Variants in DHRSX observed in about 807,000 individuals in gnomAD.
The protein encoded by DHRSX is polyprenol dehydrogenase.
DHRSX carries 31 observed loss-of-function variants against 34.0 expected under a neutral mutation model. That is an observed-to-expected ratio of 0.91 (90% CI 0.69 to 1.23). The LOEUF (loss-of-function observed/expected upper bound fraction) is 1.23, where lower values mean the gene tolerates loss of function less well. Ranked by LOEUF, DHRSX falls within the 50% of genes most tolerant of loss-of-function variation. DHRSX has a pLI of 0.00. For synonymous variants in DHRSX, 201 were observed against 183.8 expected (o/e 1.09, Z -0.76); for missense variants, 414 against 428.1 (o/e 0.97, Z 0.29).
chrX:2,243,280 A>C (rs201311793), intron 5 of DHRSX, 50 bp from the exon 6 acceptor site: 1 of 1,533,104 alleles, frequency 6.5e-7, no homozygotes, highest in East Asian at 2.3e-5. Context: ...GTTCACGCCT[A>C]AGTGCTTCAT....
At chrX:2,437,393 C>CATTGCAGTG (rs2044005311) in intron 1 of DHRSX, among the ~76,000 whole-genome samples, 1 of 152,024 alleles carries the variant, frequency 6.6e-6, no homozygotes, top group African/African-American at 2.4e-5. Flanking sequence ...ATCACTAGGT[C>CATTGCAGTG]AGAAGTTCAA....
At chrX:2,437,328 G>A (rs978025684) in intron 1 of DHRSX, among the ~76,000 whole-genome samples, 4 of 151,960 alleles carry the variant, frequency 2.6e-5, no homozygotes, top group African/African-American at 4.8e-5. Flanking sequence ...ATGCTCAGCC[G>A]AGTCTGGTGG....
At chrX:2,477,492 TGA>T (rs1449813148) in intron 1 of DHRSX, among the ~76,000 whole-genome samples, 1 of 152,186 alleles carries the variant, frequency 6.6e-6, no homozygotes, top group Non-Finnish European at 1.5e-5. Flanking sequence ...GGAAGGTGGA[TGA>T]CTCATTTGTC....
At chrX:2,348,640 T>G (rs2042748920) in intron 3 of DHRSX, among the ~76,000 whole-genome samples, 1 of 151,980 alleles carries the variant, frequency 6.6e-6, no homozygotes, top group South Asian at 2.1e-4. Flanking sequence ...TATATTATTT[T>G]CTTGTTTTGC....
chrX:2,332,078 AAC>A (rs1308309613), intron 3 of DHRSX, among the ~76,000 whole-genome samples: 1 of 152,206 alleles, frequency 6.6e-6, no homozygotes, highest in Non-Finnish European at 1.5e-5. Context: ...TACACCACAA[AAC>A]AGTCTTAGCA....
intron 1 of DHRSX, among the ~76,000 whole-genome samples, chrX:2,452,860 G>T (rs773578173): frequency 6.6e-6 from 1 of 152,354 alleles, no homozygotes; most frequent in South Asian, 2.1e-4. Context: ...TCAGAGGAAA[G>T]AATGGTGTAC....
intron 5 of DHRSX, among the ~76,000 whole-genome samples, chrX:2,253,700 A>AT (rs899842851): frequency 9.2e-5 from 14 of 152,240 alleles, no homozygotes; most frequent in Non-Finnish European, 1.9e-4. Flanking sequence ...TGAGTTCTCC[A>AT]TTTTTTGCTG....
chrX:2,225,079 GCTCA>G (rs200087365), intron 6 of DHRSX, among the ~76,000 whole-genome samples: 3,300 of 142,170 alleles, frequency 0.023, 69 homozygotes, highest in Non-Finnish European at 0.036. Flanking sequence ...GCACTCACAT[GCTCA>G]CTCATTCACA....
At chrX:2,274,748 A>C (rs1445411029) in intron 4 of DHRSX, among the ~76,000 whole-genome samples, 1 of 151,938 alleles carries the variant, frequency 6.6e-6, no homozygotes, top group Non-Finnish European at 1.5e-5. Context: ...CGTATTTTAA[A>C]CCACAGTGTC....
chrX:2,335,171 T>G, intron 3 of DHRSX, among the ~76,000 whole-genome samples: 1 of 137,548 alleles, frequency 7.3e-6, no homozygotes, highest in Non-Finnish European at 1.6e-5. Context: ...GACAACAGAG[T>G]AGGACTCCAT....
intron 3 of DHRSX, among the ~76,000 whole-genome samples, chrX:2,307,483 CG>C (rs1230990853): frequency 6.6e-6 from 1 of 150,844 alleles, no homozygotes; most frequent in African/African-American, 2.4e-5. Context: ...CAAACAAGGC[CG>C]GGGGGTGGGT....
chrX:2,449,544 G>A, intron 1 of DHRSX, among the ~76,000 whole-genome samples: 1 of 152,250 alleles, frequency 6.6e-6, no homozygotes, highest in East Asian at 1.9e-4. Flanking sequence ...GCCCAACCTG[G>A]AGTGCAGTGG....
chrX:2,316,278 C>T (rs1196349271), intron 3 of DHRSX, among the ~76,000 whole-genome samples: 2 of 149,764 alleles, frequency 1.3e-5, no homozygotes, highest in African/African-American at 4.9e-5. Context: ...GGGCCGGCTG[C>T]GGTGGCTCAC....
At chrX:2,382,603 CCA>C (rs2043217378) in intron 3 of DHRSX, among the ~76,000 whole-genome samples, 7 of 23,036 alleles carry the variant, frequency 3.0e-4, no homozygotes, top group African/African-American at 8.1e-4. Context: ...ACCATCATCA[CCA>C]TCACCATCAT....
intron 4 of DHRSX, among the ~76,000 whole-genome samples, chrX:2,273,238 C>T (rs1436190771): frequency 6.6e-6 from 1 of 152,102 alleles, no homozygotes; most frequent in Non-Finnish European, 1.5e-5. Context: ...CAAAACAATA[C>T]AAAACAAAAT....
At chrX:2,299,171 C>T (rs2041982205) in intron 3 of DHRSX, among the ~76,000 whole-genome samples, 1 of 152,102 alleles carries the variant, frequency 6.6e-6, no homozygotes, top group African/African-American at 2.4e-5. Context: ...AAGTCACATG[C>T]TTGAATATTT....
chrX:2,225,793 C>G (rs1227518058), intron 6 of DHRSX, among the ~76,000 whole-genome samples: 1 of 151,970 alleles, frequency 6.6e-6, no homozygotes, highest in Non-Finnish European at 1.5e-5. Context: ...GAGGAACCAG[C>G]CCTGCCCACA....
Position 2,243,051 on chromosome X carries a change from T to A in DHRSX, c.776A>T (p.Lys259Met). 1 of 1,613,582 alleles carries A rather than the reference T, an allele frequency of 6.2e-7. No individual in the cohort carries two copies. Among genetic ancestry groups the A allele is most frequent in the Non-Finnish European group, 8.5e-7 (1 of 1,179,672 alleles). The part of the protein sequence containing the change: ...KHVFWATRLA[K>M]KLLGWLLFKT... The stretch of plus-strand genomic sequence containing the variant: ...GAAAAGCAACCAGCCGAGAAGCTTC[T>A]TCGCCAGACGGGTGGCCCAGAACAC... The change falls in exon 6 of 7, where the codon AAG becomes ATG. Residue 259 changes from lysine to methionine, a missense_variant. Lys to Met is a moderately conservative substitution (Grantham distance 95). Coordinates refer to ENST00000334651, the MANE Select transcript of DHRSX (RefSeq NM_145177.3).
chrX:2,421,821 C>T (rs1375888028), intron 2 of DHRSX, among the ~76,000 whole-genome samples: 6 of 152,202 alleles, frequency 3.9e-5, no homozygotes, highest in Admixed American at 1.3e-4. Context: ...GCTATTTAAA[C>T]GCATGAGTAT....
Sources: gnomAD v4.1 joint callset for allele counts (sites outside exome capture counted in the v4.1 genomes callset) on GRCh38, gnomAD v4.1.1 for gene constraint, MANE v1.5 for transcripts, NCBI Gene and HGNC (gene_info 2026-07-23, HGNC 2026-07-21) for gene names.